The following ZPBP variants were observed in gnomAD, a reference collection of about 807,000 sequenced individuals.
ZPBP encodes zona pellucida-binding protein 1.
In ZPBP, 26 loss-of-function variants were observed where a neutral mutation model predicts 44.8. The observed-to-expected ratio is 0.58, with a 90% CI of 0.43 to 0.81. ZPBP has a LOEUF of 0.81. ZPBP is among the 30% of genes least tolerant of loss of function. The pLI is 0.00. For synonymous variants in ZPBP, 174 were observed against 153.2 expected (o/e 1.14, Z -1.00); for missense variants, 409 against 434.0 (o/e 0.94, Z 0.51).
chr7:50,056,788 C>T (rs1800956859), intron 4 of ZPBP, among the ~76,000 whole-genome samples: 2 of 152,122 alleles, frequency 1.3e-5, no homozygotes, highest in Non-Finnish European at 2.9e-5. Context: ...CCAGAAAGAG[C>T]AGACAGTAAA....
At chr7:50,078,780 AC>A (rs1219109234) in intron 3 of ZPBP, among the ~76,000 whole-genome samples, 1 of 151,692 alleles carries the variant, frequency 6.6e-6, no homozygotes, top group African/African-American at 2.4e-5. Flanking sequence ...CAAACAACCT[AC>A]AGAATGGGAG....
chr7:49,938,170 C>T (rs990701837), intron 7 of ZPBP, among the ~76,000 whole-genome samples: 5 of 152,182 alleles, frequency 3.3e-5, no homozygotes, highest in African/African-American at 1.2e-4. Flanking sequence ...AAGAGGTCAA[C>T]ACTACAGGAA....
intron 2 of ZPBP, among the ~76,000 whole-genome samples, chr7:49,857,469 G>C (rs1275165663): frequency 6.6e-6 from 1 of 152,156 alleles, no homozygotes; most frequent in East Asian, 1.9e-4. Flanking sequence ...CTTAGGTATT[G>C]TGAATAGTGC....
At chr7:49,980,052 TA>T (rs1796738442) in intron 7 of ZPBP, among the ~76,000 whole-genome samples, 1 of 88,686 alleles carries the variant, frequency 1.1e-5, no homozygotes, top group Admixed American at 1.8e-4. Flanking sequence ...ATATATAATA[TA>T]ATTTTATATT....
chr7:50,023,225 G>A (rs1799172475), intron 5 of ZPBP, among the ~76,000 whole-genome samples: 1 of 152,082 alleles, frequency 6.6e-6, no homozygotes, highest in Non-Finnish European at 1.5e-5. Context: ...AGAAAGAGAA[G>A]CACTTGTGAA....
At chr7:49,926,897 G>A (rs1015820320) in intron 1 of ZPBP, among the ~76,000 whole-genome samples, 2 of 152,176 alleles carry the variant, frequency 1.3e-5, no homozygotes, top group East Asian at 1.9e-4. Context: ...CATAGCGGCC[G>A]CAGGAAATTC....
intron 4 of ZPBP, among the ~76,000 whole-genome samples, chr7:50,042,245 A>C (rs1334394814): frequency 3.9e-5 from 6 of 152,168 alleles, no homozygotes; most frequent in Admixed American, 3.3e-4. Context: ...GTTGGAAAAC[A>C]CTCTACAGGG....
At chr7:49,972,597 A>G (rs1472707065) in intron 7 of ZPBP, among the ~76,000 whole-genome samples, 1 of 152,058 alleles carries the variant, frequency 6.6e-6, no homozygotes, top group African/African-American at 2.4e-5. Context: ...AAATAACTGG[A>G]AAGGCATTCT....
intron 4 of ZPBP, among the ~76,000 whole-genome samples, chr7:50,036,189 T>C (rs1799817498): frequency 1.3e-5 from 2 of 152,214 alleles, no homozygotes; most frequent in South Asian, 4.1e-4. Context: ...AGTCTTGCCC[T>C]GTTGCCCAGG....
At chr7:50,011,647 A>G (rs928986128) in intron 6 of ZPBP, among the ~76,000 whole-genome samples, 1 of 152,334 alleles carries the variant, frequency 6.6e-6, no homozygotes, top group African/African-American at 2.4e-5. Flanking sequence ...AAATATACAC[A>G]GTGTGTCTTT....
chr7:50,020,483 C>A (rs2128806791), intron 5 of ZPBP, among the ~76,000 whole-genome samples: 1 of 152,090 alleles, frequency 6.6e-6, no homozygotes, highest in Admixed American at 6.6e-5. Context: ...TGTCAACAGG[C>A]AACAGACATT....
At chr7:50,066,089 C>T (rs557188891) in intron 3 of ZPBP, among the ~76,000 whole-genome samples, 1 of 151,004 alleles carries the variant, frequency 6.6e-6, no homozygotes, top group South Asian at 2.1e-4. Context: ...GTTTTCTGTA[C>T]AGATGTTTAG....
chr7:49,905,956 C>T (rs1479215748), intron 1 of ZPBP, among the ~76,000 whole-genome samples: 12 of 149,402 alleles, frequency 8.0e-5, no homozygotes, highest in Admixed American at 8.0e-4. Flanking sequence ...CAGGAAGTTA[C>T]CTTATATGGT....
chr7:50,058,236 A>G (rs1329694232), intron 3 of ZPBP, 95 bp from the exon 4 acceptor site: 1 of 1,342,616 alleles, frequency 7.4e-7, no homozygotes, highest in Non-Finnish European at 1.1e-6. Context: ...TAATTTACCA[A>G]CACAGTCAAT....
At chr7:49,974,879 A>G (rs1263905737) in intron 7 of ZPBP, among the ~76,000 whole-genome samples, 1 of 136 alleles carries the variant, frequency 7.4e-3, no homozygotes, top group Non-Finnish European at 0.021. Context: ...AGGTCCCTAG[A>G]GAAATGCCCC....
chr7:49,932,666 G>A (rs1794486512), downstream of ZPBP, among the ~76,000 whole-genome samples: 1 of 152,172 alleles, frequency 6.6e-6, no homozygotes, highest in African/African-American at 2.4e-5. Context: ...TGTTGGGAAG[G>A]TATGATTGGT....
rs186783332 is a variant in ZPBP, at chr7:50,025,286, A to T, written c.706+5806T>A. 3.9e-5 allele frequency among the ~76,000 whole-genome samples: 6 copies of T among 151,994 alleles called. No homozygotes were observed. In the East Asian group the frequency reaches 1.2e-3, roughly 29 times the overall value. On this transcript the variant is annotated intron_variant, in intron 5 of 7. Coordinates refer to ENST00000046087, the MANE Select transcript of ZPBP (RefSeq NM_007009.3). The stretch of plus-strand genomic sequence containing the variant: ...ATATTTTGTGTTTATCTACAAACTG[A>T]TTCTAAAATTTATGTGAAAAGGCAA...
At chr7:49,898,569 C>T (rs1054922533) in intron 2 of ZPBP, among the ~76,000 whole-genome samples, 2 of 151,922 alleles carry the variant, frequency 1.3e-5, no homozygotes, top group East Asian at 3.9e-4. Flanking sequence ...CAACACATTA[C>T]ATATGTATAT....
chr7:49,998,211 C>A (rs780174135), intron 6 of ZPBP, among the ~76,000 whole-genome samples: 2 of 152,186 alleles, frequency 1.3e-5, no homozygotes, highest in Non-Finnish European at 2.9e-5. Context: ...CCACCACGCC[C>A]AGCCTAAATG....
Sources: gnomAD v4.1 joint callset for allele counts (sites outside exome capture counted in the v4.1 genomes callset) on GRCh38, gnomAD v4.1.1 for gene constraint, MANE v1.5 for transcripts, NCBI Gene and HGNC (gene_info 2026-07-23, HGNC 2026-07-21) for gene names.